Variants in CADPS observed in about 807,000 individuals in gnomAD.
The protein encoded by CADPS is calcium-dependent secretion activator 1.
CADPS carries 57 observed loss-of-function variants against 167.3 expected under a neutral mutation model. The ratio of observed to expected loss-of-function variants is 0.34; its 90% CI spans 0.28 to 0.42. The LOEUF (loss-of-function observed/expected upper bound fraction) is 0.42, where lower values mean the gene tolerates loss of function less well. CADPS is among the 20% of genes least tolerant of loss of function. The pLI, the probability that CADPS is intolerant of heterozygous loss-of-function variation, is 1.00. For synonymous variants in CADPS, 676 were observed against 635.3 expected, an observed-to-expected ratio of 1.06 and a Z score of -0.96; for missense variants, 1,414 against 1,738.1, an observed-to-expected ratio of 0.81 and a Z score of 3.32.
At chr3:62,670,701 G>T in intron 3 of CADPS, among the ~76,000 whole-genome samples, 1 of 151,906 alleles carries the variant, frequency 6.6e-6, no homozygotes, top group Non-Finnish European at 1.5e-5. Flanking sequence ...AACCCAAACA[G>T]AAAACCAATC....
intron 3 of CADPS, among the ~76,000 whole-genome samples, chr3:62,690,107 A>AT (rs545455740): frequency 7.9e-5 from 12 of 151,554 alleles, no homozygotes; most frequent in African/African-American, 1.9e-4. Flanking sequence ...GGCAATCTAC[A>AT]TTTTTTTTAA....
At chr3:62,530,370 A>G (rs116004514) in intron 13 of CADPS, among the ~76,000 whole-genome samples, 2,170 of 152,300 alleles carry the variant, frequency 0.014, 32 homozygotes, top group Middle Eastern at 0.071. Context: ...ATGCCACTAA[A>G]AAAGCAATCT....
chr3:62,529,943 A>T (rs548892240), intron 13 of CADPS, among the ~76,000 whole-genome samples: 1 of 152,354 alleles, frequency 6.6e-6, no homozygotes, highest in African/African-American at 2.4e-5. Flanking sequence ...AGAAGGGCAC[A>T]GAATAAAACT....
At chr3:62,755,376 C>G (rs1200944733) in intron 2 of CADPS, among the ~76,000 whole-genome samples, 1 of 152,178 alleles carries the variant, frequency 6.6e-6, no homozygotes, top group East Asian at 1.9e-4. Flanking sequence ...GGGTGTAATA[C>G]AAGGCAGTGA....
rs111406457 is a variant in CADPS at position 62,734,287 on chromosome 3, C to T, written c.888+19154G>A. Reference sequence around the variant, plus strand: ...TGTCTGTGCTGTCCATTTTAGCAGCCGCAAGTCACATGTGGCTCCTGAGTA... The same window carrying T: ...TGTCTGTGCTGTCCATTTTAGCAGCTGCAAGTCACATGTGGCTCCTGAGTA... On this transcript the variant is annotated intron_variant, in intron 3 of 29. Transcript: ENST00000383710. Among the ~76,000 whole-genome samples, 590 of 152,112 alleles carry T rather than the reference C, an allele frequency of 3.9e-3. 9 individuals are homozygous for T. The highest frequency in any genetic ancestry group is 0.013 in the African/African-American group (559 of 41,490).
In CADPS at chr3:62,569,575, A is replaced by G. The variant is rs186000967; in HGVS notation, c.1644+1297T>C. ...GCACAGCAGAGACTTAAGTAGATCT[A>G]TAGACAGTCTAGTCTTAGAAGTTCA... On this transcript the variant is annotated intron_variant, in intron 9 of 29. Transcript: ENST00000383710. Among the ~76,000 whole-genome samples the G allele has an allele frequency of 2.1e-3, 320 of 152,384 alleles. 1 individual carries two copies. Among genetic ancestry groups the G allele is most frequent in the African/African-American group, 7.4e-3 (307 of 41,596 alleles).
chr3:62,437,750 A>G (rs541282194), intron 28 of CADPS, among the ~76,000 whole-genome samples: 21 of 152,294 alleles, frequency 1.4e-4, no homozygotes, highest in Non-Finnish European at 2.6e-4. Flanking sequence ...CCTGATGAGA[A>G]TATCTCCCTA....
At chr3:62,457,039 AT>A (rs902624077) in intron 26 of CADPS, among the ~76,000 whole-genome samples, 29 of 150,712 alleles carry the variant, frequency 1.9e-4, no homozygotes, top group South Asian at 1.1e-3. Flanking sequence ...GTAGAGTAAG[AT>A]TTTTTTTTTA....
At chr3:62,784,287 G>A (rs868455263) in intron 1 of CADPS, among the ~76,000 whole-genome samples, 1 of 152,310 alleles carries the variant, frequency 6.6e-6, no homozygotes, top group Middle Eastern at 3.4e-3. Flanking sequence ...TTCCAAGGAT[G>A]TTAAGGTACC....
At chr3:62,693,741 C>T (rs1033358745) in intron 3 of CADPS, among the ~76,000 whole-genome samples, 1 of 149,936 alleles carries the variant, frequency 6.7e-6, no homozygotes, top group African/African-American at 2.5e-5. Flanking sequence ...GCCGAGATTG[C>T]ATCACTGCAC....
At chr3:62,419,048 AT>A (rs1485157927) in intron 28 of CADPS, among the ~76,000 whole-genome samples, 4 of 152,172 alleles carry the variant, frequency 2.6e-5, no homozygotes, top group Non-Finnish European at 4.4e-5. Flanking sequence ...TACATAGAAA[AT>A]TTTTGTAGCA....
chr3:62,479,216 A>G (rs1184286152), intron 22 of CADPS, among the ~76,000 whole-genome samples: 5 of 152,206 alleles, frequency 3.3e-5, no homozygotes, highest in African/African-American at 1.2e-4. Flanking sequence ...ATGCCTTTCT[A>G]TACGATGACG....
chr3:62,875,316 C>A lies in CADPS; in HGVS notation c.-287G>T, dbSNP rs1224045760. Reference sequence around the variant, plus strand: ...CAATTGCGAGCCCCGAGCCCGCAGCCGGATGCCATCTGCGGCTGCTGAAGG... The same window carrying A: ...CAATTGCGAGCCCCGAGCCCGCAGCAGGATGCCATCTGCGGCTGCTGAAGG... On this transcript the variant is annotated 5_prime_UTR_variant, in exon 1 of 30. Transcript: ENST00000383710. 1 of 210,152 alleles carries A rather than the reference C, an allele frequency of 4.8e-6. No homozygotes were observed. Among genetic ancestry groups the A allele is most frequent in the Non-Finnish European group, 9.5e-6 (1 of 105,730 alleles). The allele number at this position is 210,152 out of a possible 1,614,324, so 13.0% of individuals were successfully genotyped here. A position where few individuals can be genotyped will look rare whatever the true frequency, so the allele number is the denominator to read the frequency against.
At chr3:62,530,916 G>A (rs2073512394) in intron 13 of CADPS, 2 of 503,326 alleles carry the variant, frequency 4.0e-6, no homozygotes, top group Non-Finnish European at 5.2e-6. Context: ...AAAAAGAAGG[G>A]TGCATGAAAA....
chr3:62,598,584 T>C (rs2059254118), intron 6 of CADPS, among the ~76,000 whole-genome samples: 1 of 152,188 alleles, frequency 6.6e-6, no homozygotes, highest in South Asian at 2.1e-4. Flanking sequence ...ATCTCAAAAG[T>C]GGGACACAGC....
intron 26 of CADPS, among the ~76,000 whole-genome samples, chr3:62,460,412 C>G (rs1387767643): frequency 2.6e-5 from 4 of 152,238 alleles, no homozygotes; most frequent in African/African-American, 9.6e-5. Flanking sequence ...ACCAAAACCT[C>G]TGTCTGCATC....
chr3:62,459,620 G>A (rs1049044827), intron 26 of CADPS, among the ~76,000 whole-genome samples: 1 of 152,214 alleles, frequency 6.6e-6, no homozygotes, highest in Non-Finnish European at 1.5e-5. Flanking sequence ...TCTCCCAGAT[G>A]AGGTTGGGTC....
chr3:62,610,403 A>G (rs1452857061), intron 6 of CADPS, among the ~76,000 whole-genome samples: 2 of 151,962 alleles, frequency 1.3e-5, no homozygotes, highest in Non-Finnish European at 2.9e-5. Context: ...GGCACCCACC[A>G]ACAGGCCTGG....
intron 8 of CADPS, among the ~76,000 whole-genome samples, chr3:62,579,259 G>T (rs2082913081): frequency 6.6e-6 from 1 of 152,110 alleles, no homozygotes. Context: ...ACTCTGACTT[G>T]GGCAAGTCTT....
Sources: gnomAD v4.1 joint callset for allele counts (sites outside exome capture counted in the v4.1 genomes callset) on GRCh38, gnomAD v4.1.1 for gene constraint, MANE v1.5 for transcripts, NCBI Gene and HGNC (gene_info 2026-07-23, HGNC 2026-07-21) for gene names.